The following DYNC2H1 variants were observed in gnomAD, a reference collection of about 807,000 sequenced individuals.
The protein encoded by DYNC2H1 is cytoplasmic dynein 2 heavy chain 1.
A neutral mutation model predicts 570.0 loss-of-function variants in DYNC2H1; 410 were observed. The observed-to-expected ratio is 0.72, with a 90% CI of 0.66 to 0.78. The LOEUF (loss-of-function observed/expected upper bound fraction) is 0.78, where lower values mean the gene tolerates loss of function less well. DYNC2H1 is among the 30% of genes least tolerant of loss of function. DYNC2H1 has a pLI of 0.00. For synonymous variants in DYNC2H1, 1,688 were observed against 1,677.6 expected (o/e 1.01, Z -0.15); for missense variants, 4,865 against 5,046.4 (o/e 0.96, Z 1.09).
chr11:103,121,338 C>T, intron 9 of DYNC2H1, 34 bp from the exon 10 acceptor site: 1 of 1,552,090 alleles, frequency 6.4e-7, no homozygotes, highest in Non-Finnish European at 8.7e-7. Context: ...TTTGCTAATT[C>T]TTTGTAATCA....
chr11:103,269,656 T>C (rs1865627402), intron 70 of DYNC2H1, among the ~76,000 whole-genome samples: 1 of 152,232 alleles, frequency 6.6e-6, no homozygotes, highest in Non-Finnish European at 1.5e-5. Flanking sequence ...TTTCAGTTTA[T>C]ATTATTAGCT....
At chr11:103,182,110 A>G (rs572816304) in intron 40 of DYNC2H1, among the ~76,000 whole-genome samples, 3 of 151,574 alleles carry the variant, frequency 2.0e-5, no homozygotes, top group Non-Finnish European at 4.4e-5. Flanking sequence ...TTTCATTCAT[A>G]ATACTTTACA....
rs1865579342 is a variant in DYNC2H1 at position 103,268,151 on chromosome 11, A to G, written c.10695+8174A>G. Among the ~76,000 whole-genome samples, 1 of 152,066 alleles carries G rather than the reference A, an allele frequency of 6.6e-6. No individual in the cohort carries two copies. Among genetic ancestry groups the G allele is most frequent in the Non-Finnish European group, 1.5e-5 (1 of 67,930 alleles). ...AGGATTGCTTTATAAATCTTATTGAATATTAGCAGATTGCTTTCTGAAAAG... is the reference window on the plus strand; with the variant it reads ...AGGATTGCTTTATAAATCTTATTGAGTATTAGCAGATTGCTTTCTGAAAAG... On this transcript the variant is annotated intron_variant, in intron 70 of 88. Coordinates refer to ENST00000375735, the MANE Select transcript of DYNC2H1 (RefSeq NM_001377.3). This position sits in a 1 kb window ranked among gnomAD's most constrained non-coding sequence, Gnocchi z 4.6.
At chr11:103,135,093 C>T (rs890412889) in intron 15 of DYNC2H1, among the ~76,000 whole-genome samples, 6 of 151,720 alleles carry the variant, frequency 4.0e-5, no homozygotes, top group South Asian at 2.1e-4. Context: ...TTTTAAAATA[C>T]GTAGTAGATT....
intron 88 of DYNC2H1, among the ~76,000 whole-genome samples, chr11:103,478,222 C>G (rs753107661): frequency 9.9e-5 from 15 of 152,146 alleles, no homozygotes; most frequent in Non-Finnish European, 1.8e-4. Flanking sequence ...GAAACATTCA[C>G]TGTTTTGAAA....
At chr11:103,156,802 A>G (rs1565351240) in intron 26 of DYNC2H1, 32 bp downstream of exon 26, 1 of 1,574,948 alleles carries the variant, frequency 6.3e-7, no homozygotes, top group South Asian at 1.2e-5. Flanking sequence ...ATAGACACAT[A>G]TGGTATTTTT....
chr11:103,216,247 G>A (rs1335369544), intron 55 of DYNC2H1, among the ~76,000 whole-genome samples: 2 of 152,024 alleles, frequency 1.3e-5, no homozygotes, highest in Non-Finnish European at 1.5e-5. Flanking sequence ...TTTATGAAAT[G>A]TTTTTATTCT....
Position 103,176,326 on chromosome 11 carries a change from A to G in DYNC2H1, c.5766A>G (p.Ile1922Met), listed in dbSNP as rs1861808812. 6.4e-7 allele frequency: 1 copy of G among 1,573,810 alleles called. No homozygotes were observed. The highest frequency in any genetic ancestry group is 1.4e-5 in the African/African-American group (1 of 73,792). The change falls in exon 37 of 89, where the codon ATA (isoleucine) becomes ATG (methionine). Residue 1922 changes from isoleucine (I) to methionine (M), a missense_variant. This residue lies in a region of DYNC2H1 where 292 missense variants were observed against 300.2 expected (regional missense o/e 0.97). Coordinates refer to ENST00000375735, the MANE Select transcript of DYNC2H1 (RefSeq NM_001377.3). ...ATTGCACCCGGTTTGATGCACTGAT[A>G]AAAGATGTCTTTCCGGGAATTGAAT... ...FTDCTRFDAL[I>M]KDVFPGIELK...
At chr11:103,147,690 G>T in intron 18 of DYNC2H1, 82 bp from the exon 19 acceptor site, 2 of 802,288 alleles carry the variant, frequency 2.5e-6, no homozygotes. Flanking sequence ...TGTATTACAT[G>T]AAATCATTAT....
In DYNC2H1 at chr11:103,197,963, ATAAT is replaced by A. The variant is rs1565388092; in HGVS notation, c.7741_7744del (p.Asn2581GlnfsTer21). On this transcript the variant is annotated frameshift_variant, in exon 48 of 89. Coordinates refer to ENST00000375735, the MANE Select transcript of DYNC2H1 (RefSeq NM_001377.3). LOFTEE classifies it high-confidence loss of function. ...TTCTACGTTACATGGGGAGCTCGGC[ATAAT>A]TCAGGAGCAAGGGCAGCCCCAGGAC... is the stretch of plus-strand genomic sequence containing the variant. The A allele has an allele frequency of 6.4e-7, 1 of 1,569,752 alleles. No individual in the cohort carries two copies. The highest frequency in any genetic ancestry group is 1.9e-5 in the Admixed American group (1 of 53,564).
rs1861291753 is a variant in DYNC2H1, at chr11:103,166,039, G to A, written c.4753G>A (p.Gly1585Arg). The A allele has an allele frequency of 6.6e-7, 1 of 1,520,822 alleles. No homozygotes were observed. Among genetic ancestry groups the A allele is most frequent in the Non-Finnish European group, 8.8e-7 (1 of 1,133,320 alleles). The allele number at this position is 1,520,822 out of a possible 1,614,324, so 94.2% of individuals were successfully genotyped here. A position where few individuals can be genotyped will look rare whatever the true frequency, so the allele number is the denominator to read the frequency against. ...TNIDTSSEDP[G>R]NTESGILELK... ...CATTGATACAAGTTCTGAGGATCCAGGGAATACTGGTATGGAAAAGACATT... is the reference window on the plus strand; with the variant it reads ...CATTGATACAAGTTCTGAGGATCCAAGGAATACTGGTATGGAAAAGACATT... The change falls in exon 31 of 89, where the codon GGG becomes AGG. Residue 1585 changes from glycine to arginine, a missense_variant. Coordinates refer to ENST00000375735, the MANE Select transcript of DYNC2H1 (RefSeq NM_001377.3).
At chr11:103,376,842 C>T (rs1346082306) in intron 83 of DYNC2H1, among the ~76,000 whole-genome samples, 2 of 152,190 alleles carry the variant, frequency 1.3e-5, no homozygotes, top group African/African-American at 4.8e-5. Context: ...CGAATTACCT[C>T]AGCTTTTAAT....
chr11:103,311,714 T>C (rs1867596230), intron 78 of DYNC2H1, among the ~76,000 whole-genome samples, 164 bp from the exon 79 acceptor site: 1 of 152,192 alleles, frequency 6.6e-6, no homozygotes, highest in Non-Finnish European at 1.5e-5. Flanking sequence ...ATATAAGCAA[T>C]TTAACACTAG....
chr11:103,260,005 AAAAT>A, intron 70 of DYNC2H1, 28 bp downstream of exon 70: 2 of 1,180,488 alleles, frequency 1.7e-6, no homozygotes, highest in Non-Finnish European at 2.4e-6. Flanking sequence ...TTTCAAATAT[AAAAT>A]ACTACTTGTT....
At chr11:103,226,964 G>T (rs1863825140) in intron 59 of DYNC2H1, among the ~76,000 whole-genome samples, 1 of 152,106 alleles carries the variant, frequency 6.6e-6, no homozygotes. Context: ...GGGTTTTCTA[G>T]TTTATGTGCA....
chr11:103,316,430 A>G, intron 79 of DYNC2H1, 115 bp from the exon 80 acceptor site: 1 of 636,506 alleles, frequency 1.6e-6, no homozygotes, highest in Non-Finnish European at 2.5e-6. Context: ...AAAAATTCTC[A>G]GGAGTTATAT....
At position 103,191,585 on chromosome 11, in the gene DYNC2H1, G is replaced by T. The variant is rs1264454175; in HGVS notation, c.7506G>T (p.Trp2502Cys). 1 of 1,609,292 alleles carries T rather than the reference G, an allele frequency of 6.2e-7. No individual in the cohort carries two copies. Among genetic ancestry groups the T allele is most frequent in the Non-Finnish European group, 8.5e-7 (1 of 1,177,770 alleles). The change falls in exon 46 of 89, where the codon TGG (tryptophan) becomes TGT (cysteine). Residue 2502 changes from tryptophan (W) to cysteine (C), a missense_variant. Physicochemically the swap from Trp to Cys is radical, Grantham distance 215. Transcript: ENST00000375735. The part of the protein sequence containing the change: ...YFFTPCILTQ[W>C]VLGLFRYDLE... ...TTACTCCTTGCATTCTTACCCAATG[G>T]GTTCTTGGCTTATTTAGATATGATT...
At position 103,305,156 on chromosome 11, in the gene DYNC2H1, T is replaced by A. The variant is rs143226908; in HGVS notation, c.11382+436T>A. Among the ~76,000 whole-genome samples, 2 of 152,272 alleles carry A rather than the reference T, an allele frequency of 1.3e-5. No individual in the cohort carries two copies. The highest frequency in any genetic ancestry group is 3.8e-4 in the East Asian group (2 of 5,196). On this transcript the variant is annotated intron_variant, in intron 77 of 88. Transcript: ENST00000375735. The surrounding 1 kb of genome is among the most constrained non-coding windows in gnomAD (Gnocchi z 4.3). ...AAATGGACTCAGGAGAAAAATAATC[T>A]TAAGACAGGACAAGTCACTGGATGG...
chr11:103,238,902 T>G (rs1864323142), intron 63 of DYNC2H1, among the ~76,000 whole-genome samples: 1 of 152,182 alleles, frequency 6.6e-6, no homozygotes, highest in Admixed American at 6.6e-5. Flanking sequence ...TGTCCTGGAT[T>G]GCTTGGTCTA....
Sources: allele counts gnomAD v4.1 joint callset (sites outside exome capture counted in the v4.1 genomes callset), GRCh38; gene constraint gnomAD v4.1.1; regional missense constraint gnomAD v4.1.1; non-coding constraint Gnocchi (gnomAD v3.1); transcripts MANE v1.5; gene names NCBI Gene and HGNC (gene_info 2026-07-23, HGNC 2026-07-21).